MROH7: variants seen among roughly 807,000 people sequenced by gnomAD.
The protein encoded by MROH7 is maestro heat like repeat family member 7.
Under a neutral mutation model 129.2 loss-of-function variants are expected in MROH7, and 113 were observed. The ratio of observed to expected loss-of-function variants is 0.87; its 90% CI spans 0.75 to 1.02. The LOEUF is 1.02. Among genes scored for constraint, MROH7 ranks in the 50% least tolerant of loss-of-function variants. The pLI is 0.00. For synonymous variants in MROH7, 655 were observed against 667.9 expected (o/e 0.98, Z 0.30); for missense variants, 1,601 against 1,671.3 (o/e 0.96, Z 0.73).
intron 17 of MROH7, chr1:54,700,047 T>A (rs549333541): frequency 3.0e-6 from 2 of 659,154 alleles, no homozygotes; most frequent in South Asian, 3.5e-5. Context: ...GGCTGGAGGG[T>A]GGGCACGCTG....
chr1:54,660,098 G>A (rs1644709611), intron 3 of MROH7, among the ~76,000 whole-genome samples: 1 of 152,178 alleles, frequency 6.6e-6, no homozygotes, highest in African/African-American at 2.4e-5. Context: ...TAGTCTGTTT[G>A]TGCTGCCATA....
intron 12 of MROH7, 113 bp downstream of exon 12, chr1:54,679,552 C>G: frequency 8.3e-7 from 1 of 1,201,086 alleles, no homozygotes; most frequent in Non-Finnish European, 1.2e-6. Context: ...ATACCTGAAC[C>G]CCCTAAGCCA....
intron 7 of MROH7, 150 bp from the exon 8 acceptor site, chr1:54,672,941 T>C (rs1644923675): frequency 6.6e-6 from 4 of 608,738 alleles, no homozygotes; most frequent in East Asian, 2.8e-5. Context: ...TGCCCAACAT[T>C]ACACATCAAG....
At chr1:54,688,228 A>G (rs1440412118) in intron 15 of MROH7, among the ~76,000 whole-genome samples, 1 of 150,290 alleles carries the variant, frequency 6.7e-6, no homozygotes, top group Non-Finnish European at 1.5e-5. Flanking sequence ...TCAAAAAAAA[A>G]AAAATTTTTT....
At chr1:54,644,487 T>C (rs952754721) in intron 1 of MROH7, among the ~76,000 whole-genome samples, 1 of 151,742 alleles carries the variant, frequency 6.6e-6, no homozygotes, top group East Asian at 1.9e-4. Context: ...GGATTAGAGG[T>C]GCCCACCACC....
At chr1:54,684,607 ATC>A (rs1278798269) in intron 14 of MROH7, among the ~76,000 whole-genome samples, 3 of 152,272 alleles carry the variant, frequency 2.0e-5, no homozygotes, top group African/African-American at 7.2e-5. Flanking sequence ...CCTGTGGCAC[ATC>A]ACTAGAGACT....
chr1:54,669,046 C>G (rs535601990), intron 5 of MROH7, 109 bp downstream of exon 5: 2 of 755,130 alleles, frequency 2.6e-6, no homozygotes, highest in African/African-American at 1.7e-5. Flanking sequence ...AGGAAGAGGA[C>G]GGGATGAGGA....
intron 15 of MROH7, among the ~76,000 whole-genome samples, chr1:54,688,906 A>G (rs572338292): frequency 6.6e-6 from 1 of 152,284 alleles, no homozygotes; most frequent in African/African-American, 2.4e-5. Flanking sequence ...CATGGCTCAA[A>G]TGAGGACATC....
At chr1:54,701,987 G>A (rs1645443736) in intron 19 of MROH7, 103 bp from the exon 20 acceptor site, 2 of 1,073,400 alleles carry the variant, frequency 1.9e-6, no homozygotes, top group Non-Finnish European at 1.3e-6. Context: ...AGTCGGGAGA[G>A]TTCCAGACCT....
At position 54,710,040 on chromosome 1, in the gene MROH7, C is replaced by T; in HGVS notation, c.3825C>T (p.Ser1275=). 6.2e-7 allele frequency: 1 copy of T among 1,614,162 alleles called. No homozygotes were observed. The highest frequency in any genetic ancestry group is 1.3e-5 in the African/African-American group (1 of 75,056). Residue 1275 remains serine, a synonymous_variant, in exon 24 of 24, where the codon TCC becomes TCT. Coordinates refer to ENST00000421030, the MANE Select transcript of MROH7 (RefSeq NM_001039464.4). ...TCCTGGCCAGCTGCTGGCAGAACTC[C>T]TGGCTGCCGCACGGGAACTCATGGG... ...DHILASCWQN[S]WLPHGNSWVC...
Position 54,682,643 on chromosome 1 carries a change from C to CGT in MROH7, c.2382-13_2382-12insGT. The CGT allele has an allele frequency of 1.2e-6, 2 of 1,610,850 alleles. No homozygotes were observed. Among genetic ancestry groups the CGT allele is most frequent in the Non-Finnish European group, 1.7e-6 (2 of 1,178,382 alleles). On this transcript the variant is annotated splice_polypyrimidine_tract_variant and intron_variant, in intron 13 of 23. Transcript: ENST00000421030. Reference sequence around the variant, plus strand: ...TTGGCCACCACTAATTGCCCACATCCCTGACCTCTCAGCAATGGAGCAGAG... The same window carrying CGT: ...TTGGCCACCACTAATTGCCCACATCCGTCTGACCTCTCAGCAATGGAGCAGAG...
chr1:54,677,855 T>G (rs185482413), intron 10 of MROH7, among the ~76,000 whole-genome samples: 2 of 152,254 alleles, frequency 1.3e-5, no homozygotes, highest in Non-Finnish European at 1.5e-5. Context: ...ATAATCCTCC[T>G]TTGGTGAGAG....
At chr1:54,701,494 A>G (rs1645435682) in intron 19 of MROH7, among the ~76,000 whole-genome samples, 172 bp downstream of exon 19, 1 of 152,160 alleles carries the variant, frequency 6.6e-6, no homozygotes, top group African/African-American at 2.4e-5. Flanking sequence ...AATGTTCCTT[A>G]TTCTAACTGG....
rs185219264 is a variant in MROH7 at position 54,690,158 on chromosome 1, C to T, written c.2712-2266C>T. Among the ~76,000 whole-genome samples the T allele has an allele frequency of 4.9e-3, 750 of 152,250 alleles. 13 individuals are homozygous for T. The highest frequency in any genetic ancestry group is 0.017 in the African/African-American group (714 of 41,534). On this transcript the variant is annotated intron_variant, in intron 15 of 23. Transcript: ENST00000421030. ...GAGTGTTTGGGGACACAAGAGCCAC[C>T]CCACCACCCACAGCACAGCCCTCCT... is the stretch of plus-strand genomic sequence containing the variant.
chr1:54,663,484 T>G (rs1180324870), intron 3 of MROH7, among the ~76,000 whole-genome samples: 2 of 152,134 alleles, frequency 1.3e-5, no homozygotes, highest in African/African-American at 4.8e-5. Context: ...GCGATTCTCC[T>G]GCCTCAGCCT....
Position 54,702,251 on chromosome 1 carries a change from T to C in MROH7, c.3441+6T>C, listed in dbSNP as rs3816070. On this transcript the variant is annotated splice_donor_region_variant and intron_variant, in intron 20 of 23. Coordinates refer to ENST00000421030, the MANE Select transcript of MROH7 (RefSeq NM_001039464.4). ...GCAACTCCAAGGTAAGCCAGGTGAG[T>C]GTGCGTGGGCCCTGCACCCTCTACC... 0.013 allele frequency: 19,867 copies of C among 1,513,802 alleles called. 1,348 individuals carry two copies. The East Asian group carries it at 0.21, about 16-fold the overall frequency. 93.8% of individuals were successfully genotyped at this position (1,513,802 alleles called of 1,614,324 possible).
intron 4 of MROH7, among the ~76,000 whole-genome samples, chr1:54,666,102 A>G (rs1362496143): frequency 6.6e-6 from 1 of 152,220 alleles, no homozygotes; most frequent in Non-Finnish European, 1.5e-5. Context: ...GGGCACAACA[A>G]AGCTGAAGTG....
intron 3 of MROH7, among the ~76,000 whole-genome samples, chr1:54,659,485 A>C (rs1239813621): frequency 4.0e-5 from 5 of 126,352 alleles, no homozygotes; most frequent in African/African-American, 9.3e-5. Flanking sequence ...ATGGAGTTTC[A>C]CTCTTGTTGC....
chr1:54,653,261 T>C lies in MROH7; in HGVS notation c.335T>C (p.Val112Ala), dbSNP rs779805295. The change falls in exon 3 of 24, where the codon GTC (valine) becomes GCC (alanine). Residue 112 changes from valine to alanine, a missense_variant. Coordinates refer to ENST00000421030, the MANE Select transcript of MROH7 (RefSeq NM_001039464.4). ...GEALDLDSKD[V>A]SRPDSQGRLC... is the part of the protein sequence containing the mutation. ...GCCCTGGACCTGGATTCCAAGGATGTCTCAAGGCCTGACTCACAGGGGCGC... is the reference window on the plus strand; with the variant it reads ...GCCCTGGACCTGGATTCCAAGGATGCCTCAAGGCCTGACTCACAGGGGCGC... 6 of 1,614,162 alleles carry C rather than the reference T, an allele frequency of 3.7e-6. No homozygotes were observed. The East Asian group carries it at 6.7e-5, about 18-fold the overall frequency.
Sources: gnomAD v4.1 joint callset for allele counts (sites outside exome capture counted in the v4.1 genomes callset) on GRCh38, gnomAD v4.1.1 for gene constraint, MANE v1.5 for transcripts, NCBI Gene and HGNC (gene_info 2026-07-23, HGNC 2026-07-21) for gene names.